Variants in FBXO43 observed in about 807,000 individuals in gnomAD.
FBXO43 encodes the protein F-box only protein 43.
A neutral mutation model predicts 56.7 loss-of-function variants in FBXO43; 22 were observed. That is an observed-to-expected ratio of 0.39 (90% CI 0.28 to 0.55). The LOEUF is 0.55. Among genes scored for constraint, FBXO43 ranks in the 20% least tolerant of loss-of-function variants. The probability of loss-of-function intolerance (pLI) is 0.66; values close to 1 mark genes in which losing one functional copy is unlikely to be tolerated. For missense variants in FBXO43, 733 were observed against 814.9 expected (o/e 0.90, Z 1.22); for synonymous variants, 306 against 294.5 (o/e 1.04, Z -0.40).
chr8:100,144,454 G>A (rs1453524450), intron 1 of FBXO43, among the ~76,000 whole-genome samples: 1 of 152,124 alleles, frequency 6.6e-6, no homozygotes, highest in Non-Finnish European at 1.5e-5. Context: ...GGTCTCAAAC[G>A]TGGTTCTTCG....
At chr8:100,144,515 T>C (rs542418237) in intron 1 of FBXO43, among the ~76,000 whole-genome samples, 1 of 152,190 alleles carries the variant, frequency 6.6e-6, no homozygotes, top group South Asian at 2.1e-4. Context: ...TCTGTTGTAT[T>C]TTATGGACTC....
In FBXO43 at chr8:100,133,569, A is replaced by C; in HGVS notation, c.*233T>G. ...AGTACATACATATAACAACAATGAAAATTCTTTATTTAAAATACCAAGTTA... is the reference window on the plus strand; with the variant it reads ...AGTACATACATATAACAACAATGAACATTCTTTATTTAAAATACCAAGTTA... On this transcript the variant is annotated 3_prime_UTR_variant, in exon 5 of 5. Transcript: ENST00000428847. The C allele has an allele frequency of 4.9e-6, 2 of 405,944 alleles. No individual in the cohort carries two copies. Among genetic ancestry groups the C allele is most frequent in the Non-Finnish European group, 8.6e-6 (2 of 231,550 alleles). The allele number at this position is 405,944 out of a possible 1,614,324, so 25.1% of individuals were successfully genotyped here.
chr8:100,142,294 C>T, intron 1 of FBXO43, 126 bp from the exon 2 acceptor site: 1 of 966,650 alleles, frequency 1.0e-6, no homozygotes, highest in Admixed American at 3.5e-5. Flanking sequence ...TGAAAAGTTA[C>T]TTTAAAAAAA....
Position 100,142,181 on chromosome 8 carries a change from A to T in FBXO43, c.86-13T>A. 2 of 1,527,568 alleles carry T rather than the reference A, an allele frequency of 1.3e-6. No individual in the cohort carries two copies. The highest frequency in any genetic ancestry group is 1.8e-6 in the Non-Finnish European group (2 of 1,141,154). 94.6% of individuals were successfully genotyped at this position (1,527,568 alleles called of 1,614,324 possible). On this transcript the variant is annotated splice_polypyrimidine_tract_variant and intron_variant, in intron 1 of 4. Transcript: ENST00000428847. ...AAAATCTCTGTTTCTGCAAAGTGAC[A>T]ACAAAGTTATTCTGCCTTTGAAATG...
chr8:100,144,216 G>A (rs1339379767), intron 1 of FBXO43, among the ~76,000 whole-genome samples: 1 of 151,484 alleles, frequency 6.6e-6, no homozygotes, highest in Admixed American at 6.6e-5. Flanking sequence ...CCTCTAAAAT[G>A]TTATCCAAAA....
intron 2 of FBXO43, among the ~76,000 whole-genome samples, chr8:100,138,451 C>G (rs1360424101): frequency 6.6e-6 from 1 of 152,054 alleles, no homozygotes; most frequent in Non-Finnish European, 1.5e-5. Context: ...TATATGTGCC[C>G]TATATCAGAG....
rs879536367 is a variant in FBXO43, at chr8:100,145,248, G to A, written c.-113C>T. 1 of 702,836 alleles carries A rather than the reference G, an allele frequency of 1.4e-6. No homozygotes were observed. Among genetic ancestry groups the A allele is most frequent in the Non-Finnish European group, 2.2e-6 (1 of 447,362 alleles). 43.5% of individuals were successfully genotyped at this position (702,836 alleles called of 1,614,324 possible). A position where few individuals can be genotyped will look rare whatever the true frequency, so the allele number is the denominator to read the frequency against. ...GGGTACACAGGGTGCATGCCGCAGG[G>A]ATTATTCCTAACACTTGAGAAGGTC... On this transcript the variant is annotated 5_prime_UTR_variant, in exon 1 of 5. Transcript: ENST00000428847.
chr8:100,146,481 G>T (rs1319028127), upstream of FBXO43, among the ~76,000 whole-genome samples: 1 of 152,112 alleles, frequency 6.6e-6, no homozygotes, highest in Non-Finnish European at 1.5e-5. Flanking sequence ...AGTGAAATGT[G>T]TTCATTGTTT....
chr8:100,140,974 C>T lies in FBXO43; in HGVS notation c.1280G>A (p.Ser427Asn). The T allele has an allele frequency of 6.2e-7, 1 of 1,614,232 alleles. No individual in the cohort carries two copies. The highest frequency in any genetic ancestry group is 1.1e-5 in the South Asian group (1 of 91,088). ...CTTTAAGCTAAAGGTCAAATCCCCACTCTCATCACTACTCAGCTGACCCTC... is the reference window on the plus strand; with the variant it reads ...CTTTAAGCTAAAGGTCAAATCCCCATTCTCATCACTACTCAGCTGACCCTC... The part of the protein sequence containing the change: ...ISEGQLSSDE[S>N]GDLTFSLKNL... Residue 427 changes from serine (S) to asparagine (N), a missense_variant, in exon 2 of 5, where the codon AGT (serine) becomes AAT (asparagine). Transcript: ENST00000428847.
At chr8:100,138,496 T>C (rs1250908733) in intron 2 of FBXO43, among the ~76,000 whole-genome samples, 2 of 152,156 alleles carry the variant, frequency 1.3e-5, no homozygotes, top group Admixed American at 6.5e-5. Context: ...CACCCAATGA[T>C]GGGGAAGAAA....
At chr8:100,135,168 A>G (rs905192495) in intron 3 of FBXO43, among the ~76,000 whole-genome samples, 10 of 152,240 alleles carry the variant, frequency 6.6e-5, no homozygotes, top group Admixed American at 5.9e-4. Context: ...CACAATCTTT[A>G]TAATGTCAGC....
chr8:100,134,311 G>A lies in FBXO43; in HGVS notation c.1728C>T (p.Arg576=). Residue 576 remains arginine, a synonymous_variant, in exon 4 of 5, where the codon CGC becomes CGT. Coordinates refer to ENST00000428847, the MANE Select transcript of FBXO43 (RefSeq NM_001029860.4). The part of the protein sequence containing the change: ...DAATRLQLLN[R]SALRSVQAQA... The stretch of plus-strand genomic sequence containing the variant: ...GTGCCTGCACAGATCTTAAAGCTGA[G>A]CGATTTAAAAGCTGGAGCCGAGTGG... 6.2e-7 allele frequency: 1 copy of A among 1,613,994 alleles called. No individual in the cohort carries two copies. The highest frequency in any genetic ancestry group is 8.5e-7 in the Non-Finnish European group (1 of 1,180,008).
At chr8:100,147,835 C>A (rs1274262304), upstream of FBXO43, among the ~76,000 whole-genome samples, 1 of 152,146 alleles carries the variant, frequency 6.6e-6, no homozygotes, top group East Asian at 1.9e-4. Flanking sequence ...TTTGAGGTAC[C>A]TGTAGGACTG....
chr8:100,138,869 C>G (rs1302550737), intron 2 of FBXO43, among the ~76,000 whole-genome samples: 1 of 152,140 alleles, frequency 6.6e-6, no homozygotes, highest in African/African-American at 2.4e-5. Context: ...AAGACCCCAT[C>G]CATACCAAAA....
At position 100,145,366 on chromosome 8, in the gene FBXO43, C is replaced by G. The variant is rs557717072; in HGVS notation, c.-231G>C. The G allele has an allele frequency of 4.0e-4, 153 of 386,648 alleles. 1 individual carries two copies. The highest frequency in any genetic ancestry group is 6.3e-4 in the Non-Finnish European group (136 of 217,136). The allele number at this position is 386,648 out of a possible 1,614,324, so 24.0% of individuals were successfully genotyped here. A position where few individuals can be genotyped will look rare whatever the true frequency, so the allele number is the denominator to read the frequency against. ...TGGACTTAGACATGAGTAAACTTCC[C>G]AAATTCGGGTTCCTGAAAAGGCAGC... On this transcript the variant is annotated 5_prime_UTR_variant, in exon 1 of 5. Coordinates refer to ENST00000428847, the MANE Select transcript of FBXO43 (RefSeq NM_001029860.4).
intron 2 of FBXO43, among the ~76,000 whole-genome samples, chr8:100,139,174 AAACATGTG>A (rs1171387615): frequency 6.6e-6 from 1 of 152,208 alleles, no homozygotes; most frequent in Non-Finnish European, 1.5e-5. Flanking sequence ...CTCATCTGCA[AAACATGTG>A]AACTAGATAC....
intron 2 of FBXO43, among the ~76,000 whole-genome samples, chr8:100,139,190 T>C (rs1814564982): frequency 6.6e-6 from 1 of 152,168 alleles, no homozygotes; most frequent in African/African-American, 2.4e-5. Flanking sequence ...GTGAACTAGA[T>C]ACCTTAGAAG....
chr8:100,135,250 C>CAG (rs146185032), intron 3 of FBXO43, among the ~76,000 whole-genome samples: 8,291 of 151,962 alleles, frequency 0.055, 673 homozygotes, highest in African/African-American at 0.17. Context: ...GAAAGGAATT[C>CAG]AGAGAGAGAG....
Position 100,141,648 on chromosome 8 carries a change from A to G in FBXO43, c.606T>C (p.Asn202=), listed in dbSNP as rs750904027. 1 of 1,613,220 alleles carries G rather than the reference A, an allele frequency of 6.2e-7. No homozygotes were observed. Among genetic ancestry groups the G allele is most frequent in the Non-Finnish European group, 8.5e-7 (1 of 1,179,466 alleles). The part of the protein sequence containing the change: ...SSASGFSRAN[N]FSPLVTSTLK... ...AAGTGCTAGTAACTAAAGGGCTAAA[A>G]TTATTTGCCCTGGAAAAACCTGAAG... is the stretch of plus-strand genomic sequence containing the variant. The change falls in exon 2 of 5, where the codon AAT becomes AAC. Residue 202 remains asparagine, a synonymous_variant. Coordinates refer to ENST00000428847, the MANE Select transcript of FBXO43 (RefSeq NM_001029860.4).
Sources: allele counts gnomAD v4.1 joint callset (sites outside exome capture counted in the v4.1 genomes callset), GRCh38; gene constraint gnomAD v4.1.1; transcripts MANE v1.5; gene names NCBI Gene and HGNC (gene_info 2026-07-23, HGNC 2026-07-21).